CACNB4: variants seen among roughly 807,000 people sequenced by gnomAD.
CACNB4 encodes calcium voltage-gated channel auxiliary subunit beta 4, also known as voltage-dependent L-type calcium channel subunit beta-4.
In CACNB4, 32 loss-of-function variants were observed where a neutral mutation model predicts 71.2. The ratio of observed to expected loss-of-function variants is 0.45; its 90% CI spans 0.34 to 0.60. CACNB4 has a LOEUF of 0.60. Among genes scored for constraint, CACNB4 ranks in the 20% least tolerant of loss-of-function variants. CACNB4 has a pLI of 0.01. For synonymous variants in CACNB4, 231 were observed against 236.9 expected (o/e 0.97, Z 0.23); for missense variants, 464 against 647.9 (o/e 0.72, Z 3.08).
intron 2 of CACNB4, among the ~76,000 whole-genome samples, chr2:152,005,271 T>C (rs1384474712): frequency 6.6e-6 from 1 of 152,194 alleles, no homozygotes; most frequent in Non-Finnish European, 1.5e-5. Context: ...GGACTCAACC[T>C]ACATGCCCAT....
At chr2:152,039,156 C>A (rs528673541) in intron 2 of CACNB4, among the ~76,000 whole-genome samples, 49 of 152,322 alleles carry the variant, frequency 3.2e-4, no homozygotes, top group African/African-American at 1.1e-3. Context: ...CGGTGGCTCA[C>A]ACCTGTAATC....
Position 151,860,790 on chromosome 2 carries a change from A to C in CACNB4, c.789T>G (p.Ile263Met). 1 of 1,613,380 alleles carries C rather than the reference A, an allele frequency of 6.2e-7. No individual in the cohort carries two copies. The highest frequency in any genetic ancestry group is 8.5e-7 in the Non-Finnish European group (1 of 1,179,328). Reference protein sequence around the residue: ...RISITRVTADISLAKRSVLNN... With the variant: ...RISITRVTADMSLAKRSVLNN... Reference sequence around the variant, plus strand: ...TTAGGACAGACCTCTTAGCAAGAGAAATGTCAGCTGTCACTCTCGTTATTG... The same window carrying C: ...TTAGGACAGACCTCTTAGCAAGAGACATGTCAGCTGTCACTCTCGTTATTG... The change falls in exon 10 of 14, where the codon ATT (isoleucine) becomes ATG (methionine). Residue 263 changes from isoleucine to methionine, a missense_variant. Around this residue, in one of 3 missense-constraint regions of CACNB4, gnomAD observed 299 missense variants for 471.7 expected, o/e 0.63. Coordinates refer to ENST00000539935, the MANE Select transcript of CACNB4 (RefSeq NM_000726.5).
At position 151,833,838 on chromosome 2, in the gene CACNB4, A is replaced by G. The variant is rs1321805789; in HGVS notation, c.*5281T>C. The stretch of plus-strand genomic sequence containing the variant: ...TATATTTTATAATTTTGTACTGTAC[A>G]ATATGTTTTTGCTACATTATTTTTC... On this transcript the variant is annotated 3_prime_UTR_variant, in exon 14 of 14. Coordinates refer to ENST00000539935, the MANE Select transcript of CACNB4 (RefSeq NM_000726.5). 4 of 152,244 alleles carry G rather than the reference A, an allele frequency of 2.6e-5. No individual in the cohort carries two copies. In the East Asian group the frequency reaches 7.7e-4, roughly 29 times the overall value. The allele number at this position is 152,244 out of a possible 1,614,324, so 9.4% of individuals were successfully genotyped here. A position where few individuals can be genotyped will look rare whatever the true frequency, so the allele number is the denominator to read the frequency against.
intron 2 of CACNB4, among the ~76,000 whole-genome samples, chr2:152,026,653 T>C (rs1683994439): frequency 6.6e-6 from 1 of 152,158 alleles, no homozygotes; most frequent in Non-Finnish European, 1.5e-5. Flanking sequence ...GTGCTGAGAT[T>C]ACAGCCATGA....
rs2099850081 is a variant in CACNB4 at position 151,889,048 on chromosome 2, A to T, written c.148-5678T>A. On this transcript the variant is annotated intron_variant, in intron 2 of 13. Coordinates refer to ENST00000539935, the MANE Select transcript of CACNB4 (RefSeq NM_000726.5). ...AGTGTTACTGTCTTTTAATTATTTT[A>T]AATTTAAATTCTACCTGTAGCTAGT... Among the ~76,000 whole-genome samples the T allele has an allele frequency of 2.0e-5, 3 of 152,192 alleles. No individual in the cohort carries two copies. In the South Asian group the frequency reaches 6.2e-4, roughly 32 times the overall value.
chr2:151,925,337 C>T (rs775431894), intron 2 of CACNB4, among the ~76,000 whole-genome samples: 3 of 152,114 alleles, frequency 2.0e-5, no homozygotes, highest in African/African-American at 7.2e-5. Context: ...GGAGGATGTA[C>T]GTCCCAATTT....
intron 2 of CACNB4, among the ~76,000 whole-genome samples, chr2:152,095,531 C>G (rs1472058720): frequency 4.6e-5 from 7 of 151,970 alleles, no homozygotes; most frequent in African/African-American, 1.7e-4. Context: ...TGGTATTCCA[C>G]TATCTTCTTC....
chr2:151,987,069 A>G (rs1681409984), intron 2 of CACNB4, among the ~76,000 whole-genome samples: 1 of 152,220 alleles, frequency 6.6e-6, no homozygotes, highest in South Asian at 2.1e-4. Context: ...CAACAAATCC[A>G]TTAGTGGGAA....
chr2:152,026,593 C>T (rs1683988886), intron 2 of CACNB4, among the ~76,000 whole-genome samples: 1 of 152,108 alleles, frequency 6.6e-6, no homozygotes, highest in Admixed American at 6.5e-5. Context: ...CCATGTTGGC[C>T]GGGCTCGAAC....
intron 2 of CACNB4, among the ~76,000 whole-genome samples, chr2:151,986,374 A>G (rs1459655081): frequency 6.6e-6 from 1 of 152,212 alleles, no homozygotes; most frequent in Admixed American, 6.5e-5. Flanking sequence ...ACTCAAGAAG[A>G]GCCTCTGTCT....
At chr2:152,039,980 C>T (rs1260573278) in intron 2 of CACNB4, among the ~76,000 whole-genome samples, 1 of 152,228 alleles carries the variant, frequency 6.6e-6, no homozygotes, top group Non-Finnish European at 1.5e-5. Context: ...GGTCTTAAGG[C>T]AATGAGTATA....
At chr2:151,958,757 T>C (rs1353099063) in intron 2 of CACNB4, among the ~76,000 whole-genome samples, 1 of 152,212 alleles carries the variant, frequency 6.6e-6, no homozygotes, top group Non-Finnish European at 1.5e-5. Context: ...CTGCCTGAAT[T>C]CTTCCTCTCC....
chr2:151,855,066 T>C, intron 11 of CACNB4, 158 bp downstream of exon 11: 1 of 458,892 alleles, frequency 2.2e-6, no homozygotes, highest in South Asian at 7.3e-5. Context: ...CTTCACTATC[T>C]GAAAATTCAT....
chr2:151,978,577 C>T (rs1424003393), intron 2 of CACNB4, among the ~76,000 whole-genome samples: 1 of 152,178 alleles, frequency 6.6e-6, no homozygotes, highest in Admixed American at 6.5e-5. Context: ...AATGAGGATT[C>T]TATCAAGAAG....
intron 2 of CACNB4, among the ~76,000 whole-genome samples, chr2:151,884,598 G>A (rs1227456050): frequency 1.5e-5 from 2 of 133,440 alleles, no homozygotes; most frequent in Non-Finnish European, 3.0e-5. Flanking sequence ...TTGCACCACT[G>A]CACTCCAGCC....
intron 2 of CACNB4, among the ~76,000 whole-genome samples, chr2:152,027,143 T>C (rs1048564171): frequency 3.3e-5 from 5 of 152,180 alleles, no homozygotes; most frequent in African/African-American, 1.2e-4. Context: ...CCTCAGGTGG[T>C]CCGCCCACCT....
intron 2 of CACNB4, among the ~76,000 whole-genome samples, chr2:152,075,548 A>G (rs960059212): frequency 3.9e-5 from 6 of 152,218 alleles, no homozygotes; most frequent in African/African-American, 1.4e-4. Flanking sequence ...GGTGGAGACC[A>G]GCCAACCTGA....
intron 2 of CACNB4, among the ~76,000 whole-genome samples, chr2:151,924,318 T>A (rs2099859705): frequency 6.6e-6 from 1 of 151,808 alleles, no homozygotes; most frequent in African/African-American, 2.4e-5. Flanking sequence ...GACCTCGTGA[T>A]CTGCCCGCCT....
intron 5 of CACNB4, chr2:151,872,937 A>G: frequency 6.5e-6 from 1 of 153,496 alleles, no homozygotes; most frequent in Non-Finnish European, 1.5e-5. Flanking sequence ...GAAAAATATT[A>G]TTTATTTAAA....
Sources: gnomAD v4.1 joint callset for allele counts (sites outside exome capture counted in the v4.1 genomes callset) on GRCh38, gnomAD v4.1.1 for gene constraint, gnomAD v4.1.1 regional missense constraint, MANE v1.5 for transcripts, NCBI Gene and HGNC (gene_info 2026-07-23, HGNC 2026-07-21) for gene names.